Variants in ARHGAP22 observed in about 807,000 individuals in gnomAD.
ARHGAP22 encodes Rho GTPase activating protein 22, also known as rho GTPase-activating protein 22.
A neutral mutation model predicts 59.1 loss-of-function variants in ARHGAP22; 48 were observed. The ratio of observed to expected loss-of-function variants is 0.81; its 90% CI spans 0.64 to 1.03. The LOEUF is 1.03. Among genes scored for constraint, ARHGAP22 ranks in the 50% least tolerant of loss-of-function variants. The probability of loss-of-function intolerance (pLI) is 0.00; values close to 1 mark genes in which losing one functional copy is unlikely to be tolerated. For synonymous variants in ARHGAP22, 445 were observed against 416.4 expected (o/e 1.07, Z -0.84); for missense variants, 1,015 against 958.7 (o/e 1.06, Z -0.78).
chr10:48,591,538 T>A (rs1178039315), intron 1 of ARHGAP22, among the ~76,000 whole-genome samples: 2 of 152,180 alleles, frequency 1.3e-5, no homozygotes, highest in Non-Finnish European at 2.9e-5. Flanking sequence ...ACTACAGCCA[T>A]AAGATACCGC....
intron 3 of ARHGAP22, among the ~76,000 whole-genome samples, chr10:48,483,536 G>A (rs1428289747): frequency 6.6e-6 from 1 of 151,972 alleles, no homozygotes; most frequent in Admixed American, 6.5e-5. Context: ...CAATGTATAA[G>A]AGTTTTCTTT....
chr10:48,589,783 C>T (rs1194273435), intron 1 of ARHGAP22, among the ~76,000 whole-genome samples: 1 of 152,200 alleles, frequency 6.6e-6, no homozygotes, highest in African/African-American at 2.4e-5. Flanking sequence ...CTGCCTTCCA[C>T]AAGATTCTCC....
chr10:48,570,530 C>A (rs1588847404), intron 2 of ARHGAP22, among the ~76,000 whole-genome samples: 1 of 152,260 alleles, frequency 6.6e-6, no homozygotes, highest in South Asian at 2.1e-4. Context: ...CAGAGCCTGT[C>A]TTTTATGCTC....
intron 4 of ARHGAP22, among the ~76,000 whole-genome samples, chr10:48,473,570 C>A (rs535766666): frequency 1.3e-5 from 2 of 151,666 alleles, no homozygotes; most frequent in Non-Finnish European, 2.9e-5. Context: ...ACTCAGAGAG[C>A]GCTGAGCACT....
chr10:48,531,447 G>A (rs2054839353), intron 3 of ARHGAP22, among the ~76,000 whole-genome samples: 1 of 152,172 alleles, frequency 6.6e-6, no homozygotes, highest in African/African-American at 2.4e-5. Context: ...AGGAAAATAT[G>A]TGTTGTTTTA....
chr10:48,563,866 G>A (rs192072556), intron 2 of ARHGAP22, among the ~76,000 whole-genome samples: 33 of 152,114 alleles, frequency 2.2e-4, no homozygotes, highest in African/African-American at 6.3e-4. Flanking sequence ...TGGACATATT[G>A]GGTAATCCAA....
At chr10:48,539,123 C>T (rs1479356415) in intron 3 of ARHGAP22, among the ~76,000 whole-genome samples, 3 of 152,016 alleles carry the variant, frequency 2.0e-5, no homozygotes, top group Non-Finnish European at 4.4e-5. Context: ...GTTTCAGCAG[C>T]CGGAAAAAAT....
At chr10:48,523,972 C>A in intron 3 of ARHGAP22, 1 of 1,340,396 alleles carries the variant, frequency 7.5e-7, no homozygotes, top group South Asian at 1.5e-5. Context: ...CCTGGACACC[C>A]CGTGGCGAGT....
intron 3 of ARHGAP22, among the ~76,000 whole-genome samples, chr10:48,526,698 AT>A (rs1157945320): frequency 6.6e-6 from 1 of 152,224 alleles, no homozygotes. Flanking sequence ...CACAGCGGCC[AT>A]TGTGGGCCGC....
intron 1 of ARHGAP22, among the ~76,000 whole-genome samples, chr10:48,600,105 G>A (rs1243414576): frequency 6.6e-6 from 1 of 152,162 alleles, no homozygotes; most frequent in Non-Finnish European, 1.5e-5. Context: ...TTGTCTCACA[G>A]AGTTGGTGTA....
chr10:48,605,452 G>C (rs2060635778), upstream of ARHGAP22, among the ~76,000 whole-genome samples: 1 of 151,792 alleles, frequency 6.6e-6, no homozygotes, highest in African/African-American at 2.4e-5. Flanking sequence ...CTCCTCAGGA[G>C]ACTCCCAACA....
chr10:48,520,099 C>T lies in ARHGAP22; in HGVS notation c.322+35364G>A, dbSNP rs141044455. Among the ~76,000 whole-genome samples the T allele has an allele frequency of 2.4e-3, 370 of 152,190 alleles. 5 individuals carry two copies. The highest frequency in any genetic ancestry group is 8.6e-3 in the African/African-American group (356 of 41,514). On this transcript the variant is annotated intron_variant, in intron 3 of 9. Coordinates refer to ENST00000249601, the MANE Select transcript of ARHGAP22 (RefSeq NM_021226.4). The stretch of plus-strand genomic sequence containing the variant: ...TGAGAAATGAAGAAGAGGGCAGGGT[C>T]GAGAGCCAGGAAAGCAGAAGAGGCA...
chr10:48,515,065 A>G (rs928651208), intron 3 of ARHGAP22, among the ~76,000 whole-genome samples: 2 of 152,192 alleles, frequency 1.3e-5, no homozygotes, highest in Non-Finnish European at 2.9e-5. Flanking sequence ...AACAAATTCC[A>G]AAGTGGCTAA....
chr10:48,549,516 C>T (rs1433968344), intron 3 of ARHGAP22, among the ~76,000 whole-genome samples: 1 of 152,034 alleles, frequency 6.6e-6, no homozygotes, highest in Non-Finnish European at 1.5e-5. Flanking sequence ...TAGGGGAACG[C>T]CTCTTTCCCG....
At chr10:48,497,721 C>T (rs896798638) in intron 3 of ARHGAP22, among the ~76,000 whole-genome samples, 1 of 152,174 alleles carries the variant, frequency 6.6e-6, no homozygotes, top group Non-Finnish European at 1.5e-5. Flanking sequence ...TTCCAGGTCC[C>T]CCTTGGCCAC....
rs369997012 is a variant in ARHGAP22, at chr10:48,651,535, G to A, written c.52+699C>T. Among the ~76,000 whole-genome samples the A allele has an allele frequency of 5.3e-5, 8 of 150,314 alleles. No individual in the cohort carries two copies. The East Asian group carries it at 1.6e-3, about 30-fold the overall frequency. ...AATCCACCCAATCATCACCTGCATAGTCTACCCAGCCAGCACCTGCACAAC... is the reference window on the plus strand; with the variant it reads ...AATCCACCCAATCATCACCTGCATAATCTACCCAGCCAGCACCTGCACAAC... On this transcript the variant is annotated intron_variant, in intron 1 of 9. Transcript: ENST00000435790.
intron 2 of ARHGAP22, among the ~76,000 whole-genome samples, chr10:48,578,522 GTA>G (rs1193980849): frequency 3.1e-5 from 2 of 63,690 alleles, no homozygotes; most frequent in African/African-American, 5.7e-5. Context: ...ATTATGCAGT[GTA>G]TGTGTGTGTG....
chr10:48,617,038 G>A (rs1195017521), intron 1 of ARHGAP22, among the ~76,000 whole-genome samples: 1 of 152,038 alleles, frequency 6.6e-6, no homozygotes, highest in Non-Finnish European at 1.5e-5. Flanking sequence ...GTATACAGAT[G>A]TAACTGGTAG....
chr10:48,518,989 G>T (rs1473726666), intron 3 of ARHGAP22, among the ~76,000 whole-genome samples: 2 of 152,208 alleles, frequency 1.3e-5, no homozygotes, highest in African/African-American at 4.8e-5. Context: ...GTGTCCAGGG[G>T]TCAGAGGCCT....
Sources: gnomAD v4.1 joint callset for allele counts (sites outside exome capture counted in the v4.1 genomes callset) on GRCh38, gnomAD v4.1.1 for gene constraint, MANE v1.5 for transcripts, NCBI Gene and HGNC (gene_info 2026-07-23, HGNC 2026-07-21) for gene names.